Variants in ADK observed in about 807,000 individuals in gnomAD.
ADK encodes N6,N6-dimethyladenosine kinase.
ADK carries 24 observed loss-of-function variants against 44.7 expected under a neutral mutation model. The ratio of observed to expected loss-of-function variants is 0.54; its 90% CI spans 0.39 to 0.76. ADK has a LOEUF of 0.76. ADK is among the 30% of genes least tolerant of loss of function. The pLI is 0.00. For synonymous variants in ADK, 128 were observed against 142.6 expected (o/e 0.90, Z 0.73); for missense variants, 321 against 425.1 (o/e 0.76, Z 2.15).
intron 7 of ADK, among the ~76,000 whole-genome samples, chr10:74,541,794 AC>A (rs543189156): frequency 0.065 from 4,126 of 63,774 alleles, 121 homozygotes; most frequent in African/African-American, 0.097. Context: ...ACCCCCACAC[AC>A]CCCCCCCCCC....
At chr10:74,193,349 A>G (rs1419699870) in intron 1 of ADK, among the ~76,000 whole-genome samples, 1 of 152,030 alleles carries the variant, frequency 6.6e-6, no homozygotes, top group African/African-American at 2.4e-5. Flanking sequence ...TGCTGCACCC[A>G]TTAACTCGTC....
intron 9 of ADK, among the ~76,000 whole-genome samples, chr10:74,669,656 T>C (rs1279441533): frequency 6.6e-6 from 1 of 152,208 alleles, no homozygotes; most frequent in Non-Finnish European, 1.5e-5. Flanking sequence ...ATTCTTGACA[T>C]TGGGAAGAAG....
Position 74,672,698 on chromosome 10 carries a change from T to C in ADK, c.964+2429T>C, listed in dbSNP as rs567868694. On this transcript the variant is annotated intron_variant, in intron 10 of 10. Transcript: ENST00000539909. ...CATCTTTAGCACATTCTGTCAAATG[T>C]GAATCAAGCTACAAAGTAATAGCAA... Among the ~76,000 whole-genome samples, 4 of 152,314 alleles carry C rather than the reference T, an allele frequency of 2.6e-5. No homozygotes were observed. The South Asian group carries it at 8.3e-4, about 32-fold the overall frequency.
At chr10:74,675,841 C>T (rs565119984) in intron 10 of ADK, among the ~76,000 whole-genome samples, 2 of 152,086 alleles carry the variant, frequency 1.3e-5, no homozygotes, top group East Asian at 3.9e-4. Flanking sequence ...AATATGTTCC[C>T]ACTGGGCTGT....
At chr10:74,388,136 A>G (rs774120359) in intron 4 of ADK, among the ~76,000 whole-genome samples, 1 of 152,084 alleles carries the variant, frequency 6.6e-6, no homozygotes, top group African/African-American at 2.4e-5. Flanking sequence ...TGAACTCCCA[A>G]CCTCAGGTGA....
intron 4 of ADK, among the ~76,000 whole-genome samples, chr10:74,380,120 T>G (rs1842933653): frequency 6.6e-6 from 1 of 152,264 alleles, no homozygotes; most frequent in Non-Finnish European, 1.5e-5. Flanking sequence ...CAATTATGCA[T>G]TTTATTTCTG....
At chr10:74,390,646 G>C (rs1843299876) in intron 4 of ADK, among the ~76,000 whole-genome samples, 1 of 152,130 alleles carries the variant, frequency 6.6e-6, no homozygotes, top group Admixed American at 6.6e-5. Flanking sequence ...TATTCTGGTA[G>C]TGTCCTTGAT....
chr10:74,693,600 A>ATG (rs1554898790), intron 10 of ADK, among the ~76,000 whole-genome samples: 1 of 151,670 alleles, frequency 6.6e-6, no homozygotes, highest in Non-Finnish European at 1.5e-5. Context: ...TGAGGGAAGT[A>ATG]TTAGTCCTTG....
chr10:74,200,851 C>A lies in ADK; in HGVS notation c.140+13C>A, dbSNP rs1004372595. 7 of 1,520,278 alleles carry A rather than the reference C, an allele frequency of 4.6e-6. No individual in the cohort carries two copies. The Admixed American group carries it at 1.0e-4, about 22-fold the overall frequency. The allele number at this position is 1,520,278 out of a possible 1,614,324, so 94.2% of individuals were successfully genotyped here. On this transcript the variant is annotated intron_variant, in intron 2 of 10. Coordinates refer to ENST00000539909, the MANE Select transcript of ADK (RefSeq NM_006721.4). ...ATTTCCTTGATAAGTAAGTATTAAA[C>A]TCTTCATATGCACTATGTGGAACTT...
chr10:74,154,592 T>C (rs1020670178), intron 1 of ADK, among the ~76,000 whole-genome samples: 1 of 152,128 alleles, frequency 6.6e-6, no homozygotes, highest in African/African-American at 2.4e-5. Flanking sequence ...ATTTTTACTG[T>C]CTGCTGAGTA....
intron 6 of ADK, among the ~76,000 whole-genome samples, chr10:74,403,543 G>A (rs1327472936): frequency 6.6e-6 from 1 of 152,136 alleles, no homozygotes; most frequent in Non-Finnish European, 1.5e-5. Context: ...GGGACCCTCC[G>A]AGCCATGCGT....
At chr10:74,182,425 A>G (rs762754944) in intron 1 of ADK, among the ~76,000 whole-genome samples, 12 of 151,538 alleles carry the variant, frequency 7.9e-5, no homozygotes, top group Middle Eastern at 3.2e-3. Context: ...CTGGAGTGCA[A>G]TGGCACAATA....
At chr10:74,355,439 T>G (rs562874853) in intron 4 of ADK, among the ~76,000 whole-genome samples, 1 of 152,338 alleles carries the variant, frequency 6.6e-6, no homozygotes, top group East Asian at 1.9e-4. Flanking sequence ...AATCAAGAAT[T>G]AATGATATAA....
At chr10:74,394,689 GAGAGAGAC>G (rs1030168384) in intron 5 of ADK, among the ~76,000 whole-genome samples, 5 of 152,158 alleles carry the variant, frequency 3.3e-5, no homozygotes, top group Non-Finnish European at 5.9e-5. Flanking sequence ...GAATACGAGA[GAGAGAGAC>G]AGAGAGACAG....
At chr10:74,208,988 C>T (rs1469253936) in intron 2 of ADK, among the ~76,000 whole-genome samples, 5 of 152,138 alleles carry the variant, frequency 3.3e-5, no homozygotes, top group South Asian at 2.1e-4. Context: ...CTGCCCACCT[C>T]GGTCTCCCAA....
At chr10:74,493,724 TCTA>T (rs1180745931) in intron 6 of ADK, among the ~76,000 whole-genome samples, 8 of 152,082 alleles carry the variant, frequency 5.3e-5, no homozygotes, top group Admixed American at 5.2e-4. Context: ...TATGCTAGTA[TCTA>T]CTTTTCAGTT....
chr10:74,467,123 C>A (rs1481782899), intron 6 of ADK, among the ~76,000 whole-genome samples: 1 of 152,018 alleles, frequency 6.6e-6, no homozygotes, highest in African/African-American at 2.4e-5. Context: ...TTATAACCAT[C>A]TTTTTTTAAA....
chr10:74,383,725 A>G (rs1156894790), intron 4 of ADK, among the ~76,000 whole-genome samples: 5 of 151,708 alleles, frequency 3.3e-5, no homozygotes. Context: ...AAAAAGGGGT[A>G]TGAACTAAGA....
At chr10:74,189,293 G>C (rs1286445766) in intron 1 of ADK, among the ~76,000 whole-genome samples, 1 of 152,082 alleles carries the variant, frequency 6.6e-6, no homozygotes, top group Non-Finnish European at 1.5e-5. Context: ...ATGGTGTTCA[G>C]GGAATGCGTT....
Sources: allele counts gnomAD v4.1 joint callset (sites outside exome capture counted in the v4.1 genomes callset), GRCh38; gene constraint gnomAD v4.1.1; transcripts MANE v1.5; gene names NCBI Gene and HGNC (gene_info 2026-07-23, HGNC 2026-07-21).